SEMA6D: variants seen among roughly 807,000 people sequenced by gnomAD.
SEMA6D encodes semaphorin 6D.
SEMA6D carries 35 observed loss-of-function variants against 106.6 expected under a neutral mutation model. The ratio of observed to expected loss-of-function variants is 0.33; its 90% CI spans 0.25 to 0.44. The LOEUF (loss-of-function observed/expected upper bound fraction) is 0.44, where lower values mean the gene tolerates loss of function less well. Ranked by LOEUF, SEMA6D falls within the 20% of genes least tolerant of loss-of-function variation. The pLI is 1.00. For missense variants in SEMA6D, 1,185 were observed against 1,345.9 expected, an observed-to-expected ratio of 0.88 and a Z score of 1.87; for synonymous variants, 499 against 487.7, an observed-to-expected ratio of 1.02 and a Z score of -0.31.
intron 1 of SEMA6D, among the ~76,000 whole-genome samples, chr15:47,208,995 C>A (rs1350854506): frequency 6.6e-6 from 1 of 152,110 alleles, no homozygotes; most frequent in East Asian, 1.9e-4. Context: ...TCAGCTGGAC[C>A]ACATGCATAG....
intron 3 of SEMA6D, among the ~76,000 whole-genome samples, chr15:47,524,584 T>A (rs1396171812): frequency 6.6e-6 from 1 of 152,210 alleles, no homozygotes; most frequent in Admixed American, 6.5e-5. Flanking sequence ...TATGCCTAAT[T>A]ATAAATGACT....
chr15:47,771,073 A>G lies in SEMA6D; in HGVS notation c.2510A>G (p.Tyr837Cys), dbSNP rs2082603194. The G allele has an allele frequency of 2.5e-6, 4 of 1,614,052 alleles. No homozygotes were observed. The highest frequency in any genetic ancestry group is 1.7e-5 in the Admixed American group (1 of 60,004). ...AIVLPNATHD[Y>C]NTSFSNSNAH... ...GTTCTTCCAAATGCTACCCATGACT[A>G]CAACACGTCTTTCTCAAACTCCAAT... The change falls in exon 19 of 19, where the codon TAC (tyrosine) becomes TGC (cysteine). Residue 837 changes from tyrosine to cysteine, a missense_variant. Coordinates refer to ENST00000536845, the MANE Select transcript of SEMA6D (RefSeq NM_001358351.3).
At chr15:47,502,396 G>A (rs983297355) in intron 3 of SEMA6D, among the ~76,000 whole-genome samples, 9 of 152,142 alleles carry the variant, frequency 5.9e-5, no homozygotes, top group Non-Finnish European at 1.2e-4. Flanking sequence ...CTGGGAATCT[G>A]GCACATTCAG....
intron 2 of SEMA6D, among the ~76,000 whole-genome samples, chr15:47,462,874 G>T (rs1215262499): frequency 6.6e-6 from 1 of 152,088 alleles, no homozygotes; most frequent in Non-Finnish European, 1.5e-5. Flanking sequence ...CAAGAACCCA[G>T]CCTTTATGGC....
intron 3 of SEMA6D, among the ~76,000 whole-genome samples, chr15:47,472,353 T>C (rs924678907): frequency 2.0e-5 from 3 of 152,196 alleles, no homozygotes; most frequent in Non-Finnish European, 4.4e-5. Context: ...CTACTGGCAG[T>C]ATTAGAATTA....
intron 1 of SEMA6D, among the ~76,000 whole-genome samples, chr15:47,229,051 C>A (rs915719969): frequency 6.6e-6 from 1 of 151,968 alleles, no homozygotes; most frequent in African/African-American, 2.4e-5. Flanking sequence ...GAAACTGAAG[C>A]TTACTTATTG....
intron 1 of SEMA6D, among the ~76,000 whole-genome samples, chr15:47,366,415 G>T (rs1043540704): frequency 1.3e-5 from 2 of 152,176 alleles, no homozygotes; most frequent in Admixed American, 1.3e-4. Context: ...AATCTGTTCA[G>T]TAACACATAG....
At chr15:47,293,804 T>G (rs752101208) in intron 1 of SEMA6D, among the ~76,000 whole-genome samples, 1 of 152,196 alleles carries the variant, frequency 6.6e-6, no homozygotes, top group Non-Finnish European at 1.5e-5. Flanking sequence ...TGCACAATTT[T>G]CTGCAATTAA....
chr15:47,730,800 C>T (rs1483474905), intron 1 of SEMA6D: 1 of 1,588,198 alleles, frequency 6.3e-7, no homozygotes, highest in East Asian at 2.2e-5. Context: ...CTCTTTTGGG[C>T]TGGATGTCCT....
chr15:47,547,891 A>G (rs560385160), intron 3 of SEMA6D, among the ~76,000 whole-genome samples: 14 of 152,298 alleles, frequency 9.2e-5, no homozygotes, highest in Admixed American at 4.6e-4. Flanking sequence ...AAGAAAAGAC[A>G]ACTCCATTTT....
chr15:47,554,462 G>A (rs188288513), intron 3 of SEMA6D, among the ~76,000 whole-genome samples: 2 of 152,298 alleles, frequency 1.3e-5, no homozygotes, highest in Admixed American at 1.3e-4. Flanking sequence ...AGGGATCAAT[G>A]ATGTAGCCAT....
chr15:47,265,526 T>C (rs1395288590), intron 1 of SEMA6D, among the ~76,000 whole-genome samples: 1 of 152,016 alleles, frequency 6.6e-6, no homozygotes, highest in Non-Finnish European at 1.5e-5. Context: ...TGGTTTCCTT[T>C]AGTTCTTTGG....
At chr15:47,355,231 A>C (rs900403598) in intron 1 of SEMA6D, among the ~76,000 whole-genome samples, 1 of 152,240 alleles carries the variant, frequency 6.6e-6, no homozygotes. Flanking sequence ...AGAATTCTCT[A>C]TCAGTTAAAT....
At chr15:47,584,736 T>C (rs2076308448) in intron 3 of SEMA6D, among the ~76,000 whole-genome samples, 1 of 152,180 alleles carries the variant, frequency 6.6e-6, no homozygotes, top group Admixed American at 6.5e-5. Context: ...CTCTAGACTT[T>C]CCATTTCCTC....
intron 1 of SEMA6D, among the ~76,000 whole-genome samples, chr15:47,329,285 A>T (rs2037248497): frequency 6.6e-6 from 1 of 152,208 alleles, no homozygotes; most frequent in African/African-American, 2.4e-5. Flanking sequence ...AGGAGTGTTT[A>T]AACAAATGGA....
intron 4 of SEMA6D, among the ~76,000 whole-genome samples, chr15:47,637,748 G>A (rs1157291695): frequency 2.6e-5 from 4 of 152,148 alleles, no homozygotes; most frequent in African/African-American, 4.8e-5. Flanking sequence ...AATAAAAGTG[G>A]CCTCTCTGCT....
At chr15:47,286,824 C>A (rs2035384714) in intron 1 of SEMA6D, among the ~76,000 whole-genome samples, 1 of 152,136 alleles carries the variant, frequency 6.6e-6, no homozygotes, top group Non-Finnish European at 1.5e-5. Context: ...TAAACCCCCT[C>A]CCTTATATTC....
intron 3 of SEMA6D, among the ~76,000 whole-genome samples, chr15:47,559,559 G>A (rs1365514107): frequency 6.6e-6 from 1 of 152,088 alleles, no homozygotes; most frequent in Non-Finnish European, 1.5e-5. Context: ...GAGGTCTAGG[G>A]TCTCCACTGA....
chr15:47,300,140 G>A (rs2035963936), intron 1 of SEMA6D, among the ~76,000 whole-genome samples: 1 of 152,176 alleles, frequency 6.6e-6, no homozygotes, highest in African/African-American at 2.4e-5. Context: ...GCTTTGTCCT[G>A]CCTGGTGGGT....
Sources: gnomAD v4.1 joint callset for allele counts (sites outside exome capture counted in the v4.1 genomes callset) on GRCh38, gnomAD v4.1.1 for gene constraint, MANE v1.5 for transcripts, NCBI Gene and HGNC (gene_info 2026-07-23, HGNC 2026-07-21) for gene names.